Variants in EPB41L2 observed in about 807,000 individuals in gnomAD.
The protein encoded by EPB41L2 is band 4.1-like protein 2.
EPB41L2 carries 43 observed loss-of-function variants against 113.0 expected under a neutral mutation model. The observed-to-expected ratio is 0.38, with a 90% confidence interval of 0.30 to 0.49. The LOEUF (loss-of-function observed/expected upper bound fraction) is 0.49, where lower values mean the gene tolerates loss of function less well. Ranked by LOEUF, EPB41L2 falls within the 20% of genes least tolerant of loss-of-function variation. EPB41L2 has a pLI of 0.95. For synonymous variants in EPB41L2, 442 were observed against 436.7 expected, an observed-to-expected ratio of 1.01 and a Z score of -0.15; for missense variants, 1,147 against 1,223.4, an observed-to-expected ratio of 0.94 and a Z score of 0.93.
chr6:130,847,405 A>C (rs545157394), intron 19 of EPB41L2, among the ~76,000 whole-genome samples: 1 of 152,292 alleles, frequency 6.6e-6, no homozygotes, highest in South Asian at 2.1e-4. Flanking sequence ...CCTCTCACAC[A>C]CAACTATAAT....
At chr6:130,912,358 G>A (rs1213330160) in intron 4 of EPB41L2, among the ~76,000 whole-genome samples, 2 of 152,118 alleles carry the variant, frequency 1.3e-5, no homozygotes, top group African/African-American at 2.4e-5. Context: ...ATGGTATAAC[G>A]GAACATTAAC....
intron 3 of EPB41L2, among the ~76,000 whole-genome samples, chr6:130,928,199 T>G (rs1340169080): frequency 6.7e-6 from 1 of 149,648 alleles, no homozygotes; most frequent in East Asian, 1.9e-4. Context: ...ACTGAGCATG[T>G]TTAAGATAGA....
chr6:131,043,300 T>TA (rs1794794455), intron 1 of EPB41L2, among the ~76,000 whole-genome samples: 1 of 151,926 alleles, frequency 6.6e-6, no homozygotes, highest in African/African-American at 2.4e-5. Context: ...GACTCTGTCT[T>TA]AAAAAATAAA....
At chr6:130,864,520 C>G (rs1369063242) in intron 17 of EPB41L2, among the ~76,000 whole-genome samples, 1 of 152,176 alleles carries the variant, frequency 6.6e-6, no homozygotes, top group Non-Finnish European at 1.5e-5. Flanking sequence ...CTGCGAGTGC[C>G]TGGGGCACAC....
Position 130,949,643 on chromosome 6 carries a change from C to T in EPB41L2, c.705+5462G>A, listed in dbSNP as rs557965489. ...AGGAGAGTGGAGGAGAGGGGAGACC[C>T]AAATGGGATAGGACGAGAAAATTAA... On this transcript the variant is annotated intron_variant, in intron 3 of 19. Transcript: ENST00000337057. Among the ~76,000 whole-genome samples the T allele has an allele frequency of 3.3e-5, 5 of 151,602 alleles. No homozygotes were observed. The South Asian group carries it at 8.4e-4, about 25-fold the overall frequency.
At chr6:131,035,474 C>G (rs1251544145) in intron 1 of EPB41L2, among the ~76,000 whole-genome samples, 1 of 152,174 alleles carries the variant, frequency 6.6e-6, no homozygotes, top group Non-Finnish European at 1.5e-5. Flanking sequence ...ACACCAACAC[C>G]TTTACCTTCA....
chr6:130,854,219 C>CT (rs1779575848), intron 19 of EPB41L2, among the ~76,000 whole-genome samples: 1 of 152,086 alleles, frequency 6.6e-6, no homozygotes. Context: ...TCACACCTAC[C>CT]TTCCTGGAGC....
intron 12 of EPB41L2, chr6:130,881,365 G>A (rs922152250): frequency 1.3e-5 from 2 of 152,122 alleles, no homozygotes; most frequent in Non-Finnish European, 2.9e-5. Flanking sequence ...TGTGAAAAAT[G>A]AGACACAGAC....
At chr6:131,019,509 T>C (rs1788975769) in intron 1 of EPB41L2, among the ~76,000 whole-genome samples, 2 of 152,176 alleles carry the variant, frequency 1.3e-5, no homozygotes, top group African/African-American at 4.8e-5. Context: ...GCTATTATCA[T>C]ATTGCTAAGT....
intron 1 of EPB41L2, among the ~76,000 whole-genome samples, chr6:131,055,600 C>A (rs1797433667): frequency 1.3e-5 from 2 of 152,190 alleles, no homozygotes; most frequent in South Asian, 4.1e-4. Flanking sequence ...TCAACTTCTA[C>A]TGAGTAATAA....
intron 14 of EPB41L2, chr6:130,872,496 C>T: frequency 7.8e-7 from 1 of 1,289,196 alleles, no homozygotes; most frequent in Non-Finnish European, 1.0e-6. Flanking sequence ...TCAGAAAAGC[C>T]CTTTTCACTA....
intron 10 of EPB41L2, among the ~76,000 whole-genome samples, chr6:130,891,376 C>T (rs1189025554): frequency 6.6e-6 from 1 of 152,028 alleles, no homozygotes; most frequent in Admixed American, 6.6e-5. Flanking sequence ...AGAATGGTGA[C>T]AGGCTCTATT....
At chr6:131,056,779 G>C (rs1391268458) in intron 1 of EPB41L2, among the ~76,000 whole-genome samples, 2 of 152,152 alleles carry the variant, frequency 1.3e-5, no homozygotes, top group Non-Finnish European at 2.9e-5. Context: ...GAAATAATTT[G>C]CCCAAGGTCA....
chr6:131,057,897 C>T (rs1043634203), intron 1 of EPB41L2, among the ~76,000 whole-genome samples: 2 of 152,166 alleles, frequency 1.3e-5, no homozygotes, highest in Non-Finnish European at 2.9e-5. Flanking sequence ...CCTTTCCATG[C>T]CTCCTAACCT....
At chr6:130,851,154 G>A (rs1176756835) in intron 19 of EPB41L2, among the ~76,000 whole-genome samples, 1 of 152,190 alleles carries the variant, frequency 6.6e-6, no homozygotes, top group East Asian at 1.9e-4. Flanking sequence ...ATAGTCATCT[G>A]GAAGTCAATA....
chr6:130,876,851 A>C, intron 14 of EPB41L2: 13 of 821,168 alleles, frequency 1.6e-5, no homozygotes, highest in Middle Eastern at 4.4e-4. Context: ...AACACAAAAT[A>C]CTGACCCAGT....
chr6:131,018,032 G>A (rs1450661191), intron 1 of EPB41L2, among the ~76,000 whole-genome samples: 1 of 151,964 alleles, frequency 6.6e-6, no homozygotes, highest in Non-Finnish European at 1.5e-5. Context: ...GTAGCATATA[G>A]GCTATTTTCA....
intron 1 of EPB41L2, among the ~76,000 whole-genome samples, chr6:130,971,469 T>C (rs188497559): frequency 6.6e-6 from 1 of 152,290 alleles, no homozygotes. Context: ...TTTTATTACG[T>C]AGAATAAGGG....
At chr6:130,924,026 CTA>C (rs762407159) in intron 4 of EPB41L2, among the ~76,000 whole-genome samples, 8 of 152,154 alleles carry the variant, frequency 5.3e-5, no homozygotes, top group Non-Finnish European at 1.2e-4. Flanking sequence ...CTCTTTGTTT[CTA>C]TGAGTCTGAC....
Sources: gnomAD v4.1 joint callset for allele counts (sites outside exome capture counted in the v4.1 genomes callset) on GRCh38, gnomAD v4.1.1 for gene constraint, MANE v1.5 for transcripts, NCBI Gene and HGNC (gene_info 2026-07-23, HGNC 2026-07-21) for gene names.